The following GALNT13 variants were observed in gnomAD, a reference collection of about 807,000 sequenced individuals.
GALNT13 encodes polypeptide N-acetylgalactosaminyltransferase 13.
Under a neutral mutation model 64.2 loss-of-function variants are expected in GALNT13, and 28 were observed. That is an observed-to-expected ratio of 0.44 (90% CI 0.32 to 0.60). GALNT13 has a LOEUF of 0.60. Among genes scored for constraint, GALNT13 ranks in the 20% least tolerant of loss-of-function variants. The pLI is 0.05. For missense variants in GALNT13, 577 were observed against 669.8 expected (o/e 0.86, Z 1.53); for synonymous variants, 214 against 224.6 (o/e 0.95, Z 0.42).
At position 153,908,024 on chromosome 2, in the gene GALNT13, A is replaced by T. The variant is rs566734422; in HGVS notation, c.-105+7017A>T. 7.2e-5 allele frequency among the ~76,000 whole-genome samples: 11 copies of T among 152,214 alleles called. No homozygotes were observed. In the South Asian group the frequency reaches 1.7e-3, roughly 23 times the overall value. On this transcript the variant is annotated intron_variant, in intron 2 of 12. Coordinates refer to ENST00000392825, the MANE Select transcript of GALNT13 (RefSeq NM_052917.4). ...AGTTGAACTAATTTACACTCCCACC[A>T]GCAAGCAGTGTGTAAGTGTTCCCTT... is the stretch of plus-strand genomic sequence containing the variant.
intron 1 of GALNT13, among the ~76,000 whole-genome samples, chr2:153,879,552 T>C (rs1395033843): frequency 1.4e-5 from 2 of 144,188 alleles, no homozygotes; most frequent in East Asian, 4.4e-4. Flanking sequence ...TTTTTTTTTT[T>C]GGTAGAGACA....
chr2:153,459,618 TTAATC>T, the GALNT13 span, among the ~76,000 whole-genome samples: 44 of 152,258 alleles, frequency 2.9e-4, no homozygotes, highest in African/African-American at 9.6e-4. Flanking sequence ...CTATGAAGCT[TTAATC>T]TAAAACTCTC....
the GALNT13 span, among the ~76,000 whole-genome samples, chr2:153,342,323 A>AT: frequency 2.0e-4 from 30 of 151,794 alleles, no homozygotes; most frequent in African/African-American, 5.8e-4. Flanking sequence ...GATGTTTACA[A>AT]TTTTTTTTGA....
chr2:153,313,821 C>G, the GALNT13 span, among the ~76,000 whole-genome samples: 5 of 152,076 alleles, frequency 3.3e-5, no homozygotes, highest in Non-Finnish European at 7.4e-5. Flanking sequence ...AAAATTACAT[C>G]GGCATTTAGT....
the GALNT13 span, among the ~76,000 whole-genome samples, chr2:153,726,112 A>G: frequency 6.6e-6 from 1 of 152,180 alleles, no homozygotes; most frequent in African/African-American, 2.4e-5. Context: ...TATATTTGGA[A>G]TGGCTTTTAT....
At chr2:153,818,251 G>A in the GALNT13 span, among the ~76,000 whole-genome samples, 1 of 152,150 alleles carries the variant, frequency 6.6e-6, no homozygotes, top group African/African-American at 2.4e-5. Flanking sequence ...AAGCCACCTG[G>A]AGTCTTTGTA....
chr2:153,313,462 C>A, the GALNT13 span, among the ~76,000 whole-genome samples: 2 of 151,594 alleles, frequency 1.3e-5, no homozygotes, highest in African/African-American at 2.4e-5. Context: ...AAACCAGTAC[C>A]ACATGTTCTC....
At chr2:153,562,983 T>A in the GALNT13 span, among the ~76,000 whole-genome samples, 1 of 152,180 alleles carries the variant, frequency 6.6e-6, no homozygotes, top group Non-Finnish European at 1.5e-5. Context: ...ATGTATTGTA[T>A]GAATTATTAC....
the GALNT13 span, among the ~76,000 whole-genome samples, chr2:153,594,622 T>G: frequency 2.6e-5 from 4 of 152,158 alleles, no homozygotes; most frequent in African/African-American, 7.2e-5. Flanking sequence ...TATTTCTTCC[T>G]AACTGCAGAC....
chr2:153,582,977 C>G, the GALNT13 span, among the ~76,000 whole-genome samples: 17 of 152,228 alleles, frequency 1.1e-4, no homozygotes, highest in Admixed American at 7.9e-4. Context: ...GAGCTAGGTA[C>G]TGGAAATAAA....
the GALNT13 span, among the ~76,000 whole-genome samples, chr2:153,749,906 A>C: frequency 1.3e-5 from 2 of 151,946 alleles, no homozygotes; most frequent in Admixed American, 1.3e-4. Context: ...GTCATGTCCC[A>C]GATCTTAGAG....
the GALNT13 span, among the ~76,000 whole-genome samples, chr2:153,486,684 A>G: frequency 6.6e-6 from 1 of 152,216 alleles, no homozygotes; most frequent in East Asian, 1.9e-4. Flanking sequence ...TTGATTTAAA[A>G]ATTCTGACCA....
the GALNT13 span, among the ~76,000 whole-genome samples, chr2:153,581,062 ATG>A: frequency 1.3e-5 from 2 of 152,140 alleles, no homozygotes; most frequent in Admixed American, 1.3e-4. Flanking sequence ...ATTGTGTTAT[ATG>A]TAATTGTAGG....
intron 3 of GALNT13, among the ~76,000 whole-genome samples, chr2:153,964,496 T>A (rs1033382058): frequency 6.6e-6 from 1 of 152,154 alleles, no homozygotes; most frequent in Non-Finnish European, 1.5e-5. Flanking sequence ...AGTACTCTCT[T>A]GTACATTTCT....
chr2:154,140,541 A>C, intron 4 of GALNT13, 36 bp downstream of exon 4: 1 of 1,381,306 alleles, frequency 7.2e-7, no homozygotes, highest in South Asian at 1.2e-5. Flanking sequence ...TTTTATATTC[A>C]TAATCACCAT....
chr2:154,444,184 C>T (rs924490527), intron 12 of GALNT13, among the ~76,000 whole-genome samples: 2 of 151,884 alleles, frequency 1.3e-5, no homozygotes, highest in Non-Finnish European at 1.5e-5. Flanking sequence ...TAAAACAAAA[C>T]AAAAGTAGAC....
At chr2:153,882,921 T>A (rs2105242953) in intron 1 of GALNT13, among the ~76,000 whole-genome samples, 1 of 151,502 alleles carries the variant, frequency 6.6e-6, no homozygotes, top group South Asian at 2.1e-4. Flanking sequence ...GGAACAAAAA[T>A]TTTAGAACGT....
At chr2:153,750,838 T>C in the GALNT13 span, among the ~76,000 whole-genome samples, 4 of 151,844 alleles carry the variant, frequency 2.6e-5, no homozygotes, top group Non-Finnish European at 5.9e-5. Context: ...CTTTATTATT[T>C]ATTTTCTTCT....
the GALNT13 span, among the ~76,000 whole-genome samples, chr2:153,305,301 C>A: frequency 1.3e-5 from 2 of 152,132 alleles, no homozygotes; most frequent in African/African-American, 4.8e-5. Flanking sequence ...TAGCGTCAAT[C>A]TCATTGTTCT....
Sources: allele counts gnomAD v4.1 joint callset (sites outside exome capture counted in the v4.1 genomes callset), GRCh38; gene constraint gnomAD v4.1.1; transcripts MANE v1.5; gene names NCBI Gene and HGNC (gene_info 2026-07-23, HGNC 2026-07-21).